Variants in JAKMIP1 observed in about 807,000 individuals in gnomAD.
JAKMIP1 encodes janus kinase and microtubule interacting protein 1.
In JAKMIP1, 33 loss-of-function variants were observed where a neutral mutation model predicts 113.0. The ratio of observed to expected loss-of-function variants is 0.29; its 90% CI spans 0.22 to 0.39. The LOEUF is 0.39. Ranked by LOEUF, JAKMIP1 falls within the 10% of genes least tolerant of loss-of-function variation. The pLI is 1.00. For missense variants in JAKMIP1, 813 were observed against 1,080.5 expected (o/e 0.75, Z 3.47); for synonymous variants, 480 against 459.9 (o/e 1.04, Z -0.56).
intron 1 of JAKMIP1, among the ~76,000 whole-genome samples, chr4:6,161,192 C>G (rs577629480): frequency 1.1e-4 from 16 of 149,160 alleles, no homozygotes; most frequent in Non-Finnish European, 1.6e-4. Context: ...CTCCCCTGAT[C>G]TCCACTCATC....
In JAKMIP1 at chr4:6,036,037, G is replaced by A. The variant is rs768881502; in HGVS notation, c.2246C>T (p.Ala749Val). ...GTCCTCCCGCTGGCCCTCGCTCAGC[G>A]CCTCACCGGCCCTCCGCCCCGGCTC... ...QQEPGRRAGEALSEGQREDLQ... is the reference protein window; with the variant it reads ...QQEPGRRAGEVLSEGQREDLQ... The change falls in exon 19 of 21, where the codon GCG becomes GTG. Residue 749 changes from alanine to valine, a missense_variant. Physicochemically the swap from Ala to Val is moderately conservative, Grantham distance 64. Around this residue, in one of 2 missense-constraint regions of JAKMIP1, gnomAD observed 273 missense variants for 426.6 expected, o/e 0.64. Coordinates refer to ENST00000409021, the MANE Select transcript of JAKMIP1 (RefSeq NM_001099433.2). The A allele has an allele frequency of 1.0e-5, 16 of 1,554,396 alleles. No homozygotes were observed. The highest frequency in any genetic ancestry group is 1.7e-4 in the Middle Eastern group (1 of 6,012).
In JAKMIP1 at chr4:6,065,903, T is replaced by C. The variant is rs1718002046; in HGVS notation, c.1303-895A>G. 6.6e-6 allele frequency among the ~76,000 whole-genome samples: 1 copy of C among 152,236 alleles called. No individual in the cohort carries two copies. Among genetic ancestry groups the C allele is most frequent in the Admixed American group, 6.5e-5 (1 of 15,288 alleles). The stretch of plus-strand genomic sequence containing the variant: ...TAGGATCATAACCAGGCCAGGTCCC[T>C]GCCCCAAGGAGCTTGCATCCCCTAG... On this transcript the variant is annotated intron_variant, in intron 8 of 20. Coordinates refer to ENST00000409021, the MANE Select transcript of JAKMIP1 (RefSeq NM_001099433.2). The surrounding 1 kb of genome is among the most constrained non-coding windows in gnomAD (Gnocchi z 5.1).
In JAKMIP1 at chr4:6,065,905, C is replaced by T. The variant is rs191677226; in HGVS notation, c.1303-897G>A. Among the ~76,000 whole-genome samples the T allele has an allele frequency of 2.0e-5, 3 of 152,200 alleles. No homozygotes were observed. Among genetic ancestry groups the T allele is most frequent in the Admixed American group, 2.0e-4 (3 of 15,286 alleles). ...GGATCATAACCAGGCCAGGTCCCTGCCCCAAGGAGCTTGCATCCCCTAGGG... is the reference window on the plus strand; with the variant it reads ...GGATCATAACCAGGCCAGGTCCCTGTCCCAAGGAGCTTGCATCCCCTAGGG... On this transcript the variant is annotated intron_variant, in intron 8 of 20. Coordinates refer to ENST00000409021, the MANE Select transcript of JAKMIP1 (RefSeq NM_001099433.2). This position sits in a 1 kb window ranked among gnomAD's most constrained non-coding sequence, Gnocchi z 5.1.
intron 3 of JAKMIP1, among the ~76,000 whole-genome samples, chr4:6,102,093 A>C (rs62284806): frequency 0.44 from 66,387 of 151,920 alleles, 17,124 homozygotes; most frequent in East Asian, 0.76. Flanking sequence ...GAGACATCTT[A>C]CACAACTTTC....
Position 6,171,688 on chromosome 4 carries a change from G to A in JAKMIP1, c.-148+28565C>T, listed in dbSNP as rs1056876804. The stretch of plus-strand genomic sequence containing the variant: ...AGAGTCTTCACATGTCTTGAAGGTT[G>A]GCGGTTCACCCTCAAAAGCTACTGA... On this transcript the variant is annotated intron_variant, in intron 1 of 20. Coordinates refer to ENST00000409021, the MANE Select transcript of JAKMIP1 (RefSeq NM_001099433.2). Among the ~76,000 whole-genome samples the A allele has an allele frequency of 5.9e-5, 9 of 152,316 alleles. No homozygotes were observed. The East Asian group carries it at 7.7e-4, about 13-fold the overall frequency.
At position 6,138,107 on chromosome 4, in the gene JAKMIP1, C is replaced by T. The variant is rs1719528794; in HGVS notation, c.-147-25110G>A. Among the ~76,000 whole-genome samples the T allele has an allele frequency of 6.6e-6, 1 of 152,220 alleles. No individual in the cohort carries two copies. The highest frequency in any genetic ancestry group is 2.1e-4 in the South Asian group (1 of 4,832). ...GCCCAGACAAGACTCTGCTCCCTGA[C>T]CTTCCACTACTGGCACCTACTTCCC... On this transcript the variant is annotated intron_variant, in intron 1 of 20. Coordinates refer to ENST00000409021, the MANE Select transcript of JAKMIP1 (RefSeq NM_001099433.2). This position sits in a 1 kb window ranked among gnomAD's most constrained non-coding sequence, Gnocchi z 6.0.
chr4:6,150,109 G>A lies in JAKMIP1; in HGVS notation c.-147-37112C>T, dbSNP rs370045767. ...CGCCTGCCATATGCCAAGCTCTGGG[G>A]AAGAAAGTGAATGATACAGGTAGTG... On this transcript the variant is annotated intron_variant, in intron 1 of 20. Coordinates refer to ENST00000409021, the MANE Select transcript of JAKMIP1 (RefSeq NM_001099433.2). This position sits in a 1 kb window ranked among gnomAD's most constrained non-coding sequence, Gnocchi z 4.8. 3.3e-5 allele frequency among the ~76,000 whole-genome samples: 5 copies of A among 152,320 alleles called. No individual in the cohort carries two copies. Among genetic ancestry groups the A allele is most frequent in the African/African-American group, 7.2e-5 (3 of 41,566 alleles).
rs117173021 is a variant in JAKMIP1, at chr4:6,047,016, G to A, written c.2028+1841C>T. Among the ~76,000 whole-genome samples the A allele has an allele frequency of 2.0e-5, 3 of 152,334 alleles. No homozygotes were observed. In the East Asian group the frequency reaches 5.8e-4, roughly 29 times the overall value. On this transcript the variant is annotated intron_variant, in intron 16 of 20. Coordinates refer to ENST00000409021, the MANE Select transcript of JAKMIP1 (RefSeq NM_001099433.2). The stretch of plus-strand genomic sequence containing the variant: ...CCAAGCATCTCCAGGAAGCAAGCAT[G>A]GCCCCAGGTGCTTGATTGAACCTGA...
At chr4:6,071,579 C>G (rs934477442) in intron 8 of JAKMIP1, among the ~76,000 whole-genome samples, 2 of 152,248 alleles carry the variant, frequency 1.3e-5, no homozygotes, top group African/African-American at 4.8e-5. Flanking sequence ...GTAATGGCAC[C>G]TGTCCCTTCC....
chr4:6,056,561 G>A (rs1716496284), intron 12 of JAKMIP1, 136 bp downstream of exon 12: 1 of 692,968 alleles, frequency 1.4e-6, no homozygotes. Context: ...CTCTCCTCAT[G>A]GGAGGTGTGC....
Position 6,059,207 on chromosome 4 carries a change from C to T in JAKMIP1, c.1644+1217G>A, listed in dbSNP as rs1406059507. Reference sequence around the variant, plus strand: ...CCAGAGGGCTGGGCACTCACATTCCCCCACGCAGTCCATTGGTAAAGTCTG... The same window carrying T: ...CCAGAGGGCTGGGCACTCACATTCCTCCACGCAGTCCATTGGTAAAGTCTG... On this transcript the variant is annotated intron_variant, in intron 11 of 20. Transcript: ENST00000409021. This position sits in a 1 kb window ranked among gnomAD's most constrained non-coding sequence, Gnocchi z 4.8. Among the ~76,000 whole-genome samples, 1 of 152,176 alleles carries T rather than the reference C, an allele frequency of 6.6e-6. No homozygotes were observed. Among genetic ancestry groups the T allele is most frequent in the East Asian group, 1.9e-4 (1 of 5,174 alleles).
At chr4:6,062,477 C>T in intron 9 of JAKMIP1, 37 bp from the exon 10 acceptor site, 2 of 1,578,134 alleles carry the variant, frequency 1.3e-6, no homozygotes, top group South Asian at 1.1e-5. Flanking sequence ...TAATCAAGTG[C>T]AAAATTACAA....
In JAKMIP1 at chr4:6,154,951, G is replaced by A. The variant is rs983990801; in HGVS notation, c.-147-41954C>T. On this transcript the variant is annotated intron_variant, in intron 1 of 20. Coordinates refer to ENST00000409021, the MANE Select transcript of JAKMIP1 (RefSeq NM_001099433.2). The surrounding 1 kb of genome is among the most constrained non-coding windows in gnomAD (Gnocchi z 4.2). ...AGCACGCAGGGAAAGGTGCGGGGTAGGGTGGGGGGTCTTAGCTGGGGTGGA... is the reference window on the plus strand; with the variant it reads ...AGCACGCAGGGAAAGGTGCGGGGTAAGGTGGGGGGTCTTAGCTGGGGTGGA... Among the ~76,000 whole-genome samples the A allele has an allele frequency of 1.3e-5, 2 of 152,158 alleles. No individual in the cohort carries two copies. Among genetic ancestry groups the A allele is most frequent in the African/African-American group, 4.8e-5 (2 of 41,418 alleles).
In JAKMIP1 at chr4:6,051,965, G is replaced by A. The variant is rs1715712123; in HGVS notation, c.1807-1286C>T. ...GTAAGGTAAAAAATAACATGCTTTG[G>A]GCCATTCTAGCAGAATCTAGCTACA... On this transcript the variant is annotated intron_variant, in intron 13 of 20. Transcript: ENST00000409021. This position sits in a 1 kb window ranked among gnomAD's most constrained non-coding sequence, Gnocchi z 5.0. Among the ~76,000 whole-genome samples, 1 of 152,016 alleles carries A rather than the reference G, an allele frequency of 6.6e-6. No homozygotes were observed. The highest frequency in any genetic ancestry group is 6.6e-5 in the Admixed American group (1 of 15,260).
At chr4:6,074,259 C>T (rs141292290) in intron 8 of JAKMIP1, among the ~76,000 whole-genome samples, 6 of 152,238 alleles carry the variant, frequency 3.9e-5, no homozygotes, top group Non-Finnish European at 8.8e-5. Context: ...CAAGGCTCTG[C>T]CCTGACTGCA....
rs1726871084 is a variant in JAKMIP1 at position 6,188,376 on chromosome 4, C to A, written c.-148+11877G>T. Among the ~76,000 whole-genome samples, 4 of 152,226 alleles carry A rather than the reference C, an allele frequency of 2.6e-5. No homozygotes were observed. In the South Asian group the frequency reaches 8.3e-4, roughly 31 times the overall value. On this transcript the variant is annotated intron_variant, in intron 1 of 20. Transcript: ENST00000409021. The surrounding 1 kb of genome is among the most constrained non-coding windows in gnomAD (Gnocchi z 5.8). ...ATGATGGCGTTTTCAAGTGCTGTGG[C>A]ACTGTTCTCACAGACACCTGCACAG... is the stretch of plus-strand genomic sequence containing the variant.
chr4:6,116,722 T>G lies in JAKMIP1; in HGVS notation c.-147-3725A>C, dbSNP rs1375825344. 6.6e-6 allele frequency among the ~76,000 whole-genome samples: 1 copy of G among 152,172 alleles called. No homozygotes were observed. Among genetic ancestry groups the G allele is most frequent in the East Asian group, 1.9e-4 (1 of 5,194 alleles). On this transcript the variant is annotated intron_variant, in intron 1 of 20. Transcript: ENST00000409021. The surrounding 1 kb of genome is among the most constrained non-coding windows in gnomAD (Gnocchi z 5.1). ...CTACAGGAAATTAATATACCGGGCA[T>G]GCAGGAGGACCAGACAAGGTCCCAG...
rs1227721650 is a variant in JAKMIP1 at position 6,193,253 on chromosome 4, T to G, written c.-148+7000A>C. On this transcript the variant is annotated intron_variant, in intron 1 of 20. Transcript: ENST00000409021. The surrounding 1 kb of genome is among the most constrained non-coding windows in gnomAD (Gnocchi z 6.4). Reference sequence around the variant, plus strand: ...TTTGGCCACAGGCTGAAGGCTGTGCTGTTGGATTCTGTACTTTTGAGGTTT... The same window carrying G: ...TTTGGCCACAGGCTGAAGGCTGTGCGGTTGGATTCTGTACTTTTGAGGTTT... Among the ~76,000 whole-genome samples, 2 of 152,194 alleles carry G rather than the reference T, an allele frequency of 1.3e-5. No individual in the cohort carries two copies. The highest frequency in any genetic ancestry group is 2.9e-5 in the Non-Finnish European group (2 of 68,036).
Position 6,062,329 on chromosome 4 carries a change from C to G in JAKMIP1, c.1543G>C (p.Ala515Pro), listed in dbSNP as rs1023704574. The G allele has an allele frequency of 6.2e-7, 1 of 1,612,860 alleles. No individual in the cohort carries two copies. The highest frequency in any genetic ancestry group is 1.3e-5 in the African/African-American group (1 of 74,926). ...GCACTCACCCGGGCCTCCCTCTCAG[C>G]GTCCAGCGTGCCTCCCACCTGCTCC... ...LQEQVGGTLD[A>P]EREARTREQL... is the part of the protein sequence containing the mutation. Residue 515 changes from alanine (A) to proline (P), a missense_variant, in exon 10 of 21, where the codon GCT becomes CCT. Ala to Pro is a conservative substitution (Grantham distance 27). Transcript: ENST00000409021.
Sources: allele counts gnomAD v4.1 joint callset (sites outside exome capture counted in the v4.1 genomes callset), GRCh38; gene constraint gnomAD v4.1.1; regional missense constraint gnomAD v4.1.1; non-coding constraint Gnocchi (gnomAD v3.1); transcripts MANE v1.5; gene names NCBI Gene and HGNC (gene_info 2026-07-23, HGNC 2026-07-21).